F10: variants seen among roughly 807,000 people sequenced by gnomAD.
F10 encodes the protein Stuart-Prower factor.
F10 carries 29 observed loss-of-function variants against 37.1 expected under a neutral mutation model. The observed-to-expected ratio is 0.78, with a 90% CI of 0.58 to 1.07. The LOEUF is 1.07. Among genes scored for constraint, F10 ranks in the 50% least tolerant of loss-of-function variants. The pLI is 0.00. For missense variants in F10, 539 were observed against 667.9 expected, an observed-to-expected ratio of 0.81 and a Z score of 2.13; for synonymous variants, 262 against 268.6, an observed-to-expected ratio of 0.98 and a Z score of 0.24.
chr13:113,144,026 GA>G lies in F10; in HGVS notation c.679del (p.Arg227GlyfsTer40), dbSNP rs769044606. 4 of 1,613,810 alleles carry G rather than the reference GA, an allele frequency of 2.5e-6. No homozygotes were observed. Among genetic ancestry groups the G allele is most frequent in the Non-Finnish European group, 3.4e-6 (4 of 1,179,992 alleles). On this transcript the variant is annotated frameshift_variant, in exon 6 of 8. Coordinates refer to ENST00000375559, the MANE Select transcript of F10 (RefSeq NM_000504.4). LOFTEE classifies it high-confidence loss of function. This position sits in a 1 kb window ranked among gnomAD's most constrained non-coding sequence, Gnocchi z 6.4. ...TTGACTTCAACCAGACGCAGCCTGA[GA>G]GGGGCGACAACAACCTCACCAGGAT... ...LLDFNQTQPE[R>X]GDNNLTRIVG...
chr13:113,129,968 G>C, intron 2 of F10: 2 of 349,384 alleles, frequency 5.7e-6, no homozygotes, highest in South Asian at 2.3e-5. Context: ...GCAGTGAGCT[G>C]AGATCGTGCC....
intron 1 of F10, among the ~76,000 whole-genome samples, chr13:113,124,847 G>A (rs1291073761): frequency 6.6e-6 from 1 of 152,242 alleles, no homozygotes; most frequent in Non-Finnish European, 1.5e-5. Context: ...CAGCGGGGCT[G>A]GTTCCTCCAG....
At chr13:113,123,020 G>T (rs545351284) in intron 1 of F10, 95 bp downstream of exon 1, 27 of 1,418,966 alleles carry the variant, frequency 1.9e-5, no homozygotes, top group Non-Finnish European at 2.5e-5. Context: ...AGCCTGGACG[G>T]TGGGTGCCTT....
intron 4 of F10, among the ~76,000 whole-genome samples, chr13:113,140,108 C>T (rs371503520): frequency 1.1e-4 from 16 of 141,520 alleles, no homozygotes; most frequent in African/African-American, 4.2e-4. Context: ...GAGTCTCGCT[C>T]TGTGGCCCAG....
chr13:113,126,229 C>A (rs2036368736), intron 1 of F10, among the ~76,000 whole-genome samples: 2 of 152,148 alleles, frequency 1.3e-5, no homozygotes. Flanking sequence ...TTCCTTGCAT[C>A]ACCCTTTCCA....
At chr13:113,135,420 G>C (rs958246107) in intron 2 of F10, among the ~76,000 whole-genome samples, 1 of 152,212 alleles carries the variant, frequency 6.6e-6, no homozygotes, top group Non-Finnish European at 1.5e-5. Context: ...GAAACCAGCA[G>C]ATATGGGGCC....
Position 113,129,584 on chromosome 13 carries a change from G to A in F10, c.203G>A (p.Arg68His), listed in dbSNP as rs776339896. Residue 68 changes from arginine to histidine, a missense_variant, in exon 2 of 8, where the codon CGC becomes CAC. Physicochemically the swap from Arg to His is conservative, Grantham distance 29. Coordinates refer to ENST00000375559, the MANE Select transcript of F10 (RefSeq NM_000504.4). ...GAGACCTGCTCATACGAAGAGGCCC[G>A]CGAGGTCTTTGAGGACAGCGACAAG... ...MEETCSYEEA[R>H]EVFEDSDKTN... The A allele has an allele frequency of 3.7e-6, 6 of 1,614,220 alleles. No homozygotes were observed. The highest frequency in any genetic ancestry group is 4.5e-5 in the East Asian group (2 of 44,892).
rs1194609235 is a variant in F10 at position 113,149,117 on chromosome 13, A to G, written c.1067A>G (p.Gln356Arg). The change falls in exon 8 of 8, where the codon CAG (glutamine) becomes CGG (arginine). Residue 356 changes from glutamine (Q) to arginine (R), a missense_variant. Transcript: ENST00000375559. This position sits in a 1 kb window ranked among gnomAD's most constrained non-coding sequence, Gnocchi z 7.5. ...TGGGCCGAGTCCACGCTGATGACGC[A>G]GAAGACGGGGATTGTGAGCGGCTTC... ...RDWAESTLMT[Q>R]KTGIVSGFGR... The G allele has an allele frequency of 6.2e-7, 1 of 1,613,028 alleles. No individual in the cohort carries two copies. The highest frequency in any genetic ancestry group is 1.3e-5 in the African/African-American group (1 of 75,032).
At position 113,139,652 on chromosome 13, in the gene F10, G is replaced by A. The variant is rs1001516861; in HGVS notation, c.370+182G>A. Among the ~76,000 whole-genome samples the A allele has an allele frequency of 2.6e-5, 4 of 151,826 alleles. No homozygotes were observed. The highest frequency in any genetic ancestry group is 9.7e-5 in the African/African-American group (4 of 41,310). ...GCAATAGAAAAAAAAGCCCCAATAT[G>A]TCCCCCAAACGATTCGGTTTGGGGG... is the stretch of plus-strand genomic sequence containing the variant. On this transcript the variant is annotated intron_variant, in intron 4 of 7. Transcript: ENST00000375559. The surrounding 1 kb of genome is among the most constrained non-coding windows in gnomAD (Gnocchi z 5.2).
At position 113,141,868 on chromosome 13, in the gene F10, C is replaced by G. The variant is rs1327293431; in HGVS notation, c.502+818C>G. Among the ~76,000 whole-genome samples, 2 of 152,220 alleles carry G rather than the reference C, an allele frequency of 1.3e-5. No individual in the cohort carries two copies. Among genetic ancestry groups the G allele is most frequent in the Admixed American group, 6.5e-5 (1 of 15,286 alleles). On this transcript the variant is annotated intron_variant, in intron 5 of 7. Coordinates refer to ENST00000375559, the MANE Select transcript of F10 (RefSeq NM_000504.4). The surrounding 1 kb of genome is among the most constrained non-coding windows in gnomAD (Gnocchi z 5.4). ...GTTCCAGGCCCGCCTTTTCAAGAGCCTGGTGACCCAGCTCACCTTCCGGCT... is the reference window on the plus strand; with the variant it reads ...GTTCCAGGCCCGCCTTTTCAAGAGCGTGGTGACCCAGCTCACCTTCCGGCT...
intron 1 of F10, among the ~76,000 whole-genome samples, chr13:113,124,349 G>A (rs376836804): frequency 6.6e-6 from 1 of 152,208 alleles, no homozygotes; most frequent in African/African-American, 2.4e-5. Flanking sequence ...TCCTGCCAAT[G>A]GGAAATGCAG....
In F10 at chr13:113,139,367, G is replaced by A. The variant is rs201053569; in HGVS notation, c.267G>A (p.Gln89=). The change falls in exon 4 of 8, where the codon CAG becomes CAA. Residue 89 remains glutamine (Q), a synonymous_variant. Coordinates refer to ENST00000375559, the MANE Select transcript of F10 (RefSeq NM_000504.4). This position sits in a 1 kb window ranked among gnomAD's most constrained non-coding sequence, Gnocchi z 5.2. ...EFWNKYKDGD[Q]CETSPCQNQG... is the part of the protein sequence containing the mutation. ...ATCCTCTCTTTGCAGATGGCGACCA[G>A]TGTGAGACCAGTCCTTGCCAGAACC... The A allele has an allele frequency of 1.9e-6, 3 of 1,613,890 alleles. No homozygotes were observed. Among genetic ancestry groups the A allele is most frequent in the Non-Finnish European group, 2.5e-6 (3 of 1,179,842 alleles).
Position 113,122,864 on chromosome 13 carries a change from C to G in F10, c.9C>G (p.Arg3=). 1.9e-6 allele frequency: 3 copies of G among 1,610,582 alleles called. No homozygotes were observed. Residue 3 remains arginine, a synonymous_variant, in exon 1 of 8, where the codon CGC becomes CGG. Coordinates refer to ENST00000375559, the MANE Select transcript of F10 (RefSeq NM_000504.4). MG[R]PLHLVLLSAS... Reference sequence around the variant, plus strand: ...CAGTACTCGGCCACACCATGGGGCGCCCACTGCACCTCGTCCTGCTCAGTG... The same window carrying G: ...CAGTACTCGGCCACACCATGGGGCGGCCACTGCACCTCGTCCTGCTCAGTG...
chr13:113,139,432 C>A lies in F10; in HGVS notation c.332C>A (p.Thr111Asn), dbSNP rs951630266. Residue 111 changes from threonine to asparagine, a missense_variant, in exon 4 of 8, where the codon ACC becomes AAC. This residue lies in a region of F10 where 409 missense variants were observed against 547.9 expected (regional missense o/e 0.75). Coordinates refer to ENST00000375559, the MANE Select transcript of F10 (RefSeq NM_000504.4). This position sits in a 1 kb window ranked among gnomAD's most constrained non-coding sequence, Gnocchi z 5.2. Reference sequence around the variant, plus strand: ...GACGGCCTCGGGGAATACACCTGCACCTGTTTAGAAGGATTCGAAGGCAAA... The same window carrying A: ...GACGGCCTCGGGGAATACACCTGCAACTGTTTAGAAGGATTCGAAGGCAAA... The part of the protein sequence containing the change: ...CKDGLGEYTC[T>N]CLEGFEGKNC... 1.2e-6 allele frequency: 2 copies of A among 1,613,818 alleles called. No homozygotes were observed. The highest frequency in any genetic ancestry group is 2.7e-5 in the African/African-American group (2 of 74,890).
intron 5 of F10, among the ~76,000 whole-genome samples, chr13:113,142,041 C>T (rs377313275): frequency 2.8e-4 from 42 of 152,310 alleles, no homozygotes; most frequent in African/African-American, 8.2e-4. Context: ...TGAGTGATCA[C>T]GAAAAGACCG....
intron 2 of F10, among the ~76,000 whole-genome samples, chr13:113,136,522 A>G (rs1041663391): frequency 6.6e-6 from 1 of 151,598 alleles, no homozygotes; most frequent in African/African-American, 2.4e-5. Context: ...CAATGGCACA[A>G]TCTCGGCTCA....
chr13:113,123,103 G>A (rs547932006), intron 1 of F10, among the ~76,000 whole-genome samples, 178 bp downstream of exon 1: 1 of 152,358 alleles, frequency 6.6e-6, no homozygotes, highest in African/African-American at 2.4e-5. Flanking sequence ...AAGGCCAGCT[G>A]TGGCTCCCTG....
Position 113,141,023 on chromosome 13 carries a change from G to T in F10, c.475G>T (p.Asp159Tyr), listed in dbSNP as rs144616884. 1.2e-6 allele frequency: 2 copies of T among 1,613,892 alleles called. No individual in the cohort carries two copies. The highest frequency in any genetic ancestry group is 1.7e-5 in the Admixed American group (1 of 60,018). The change falls in exon 5 of 8, where the codon GAC becomes TAC. Residue 159 changes from aspartate to tyrosine, a missense_variant. Physicochemically the swap from Asp to Tyr is radical, Grantham distance 160. Around this residue, in one of 2 missense-constraint regions of F10, gnomAD observed 409 missense variants for 547.9 expected, o/e 0.75. Transcript: ENST00000375559. The surrounding 1 kb of genome is among the most constrained non-coding windows in gnomAD (Gnocchi z 5.4). ...CSCARGYTLA[D>Y]NGKACIPTGP... ...CTGCGCCCGCGGGTACACCCTGGCTGACAACGGCAAGGCCTGCATTCCCAC... is the reference window on the plus strand; with the variant it reads ...CTGCGCCCGCGGGTACACCCTGGCTTACAACGGCAAGGCCTGCATTCCCAC...
chr13:113,141,003 C>T lies in F10; in HGVS notation c.455C>T (p.Ala152Val). Residue 152 changes from alanine to valine, a missense_variant, in exon 5 of 8, where the codon GCC becomes GTC. By Grantham distance (64) the Ala-to-Val change is moderately conservative (BLOSUM62 0). Coordinates refer to ENST00000375559, the MANE Select transcript of F10 (RefSeq NM_000504.4). This position sits in a 1 kb window ranked among gnomAD's most constrained non-coding sequence, Gnocchi z 5.4. Reference protein sequence around the residue: ...EEQNSVVCSCARGYTLADNGK... With the variant: ...EEQNSVVCSCVRGYTLADNGK... ...CAGAACTCTGTGGTGTGCTCCTGCGCCCGCGGGTACACCCTGGCTGACAAC... is the reference window on the plus strand; with the variant it reads ...CAGAACTCTGTGGTGTGCTCCTGCGTCCGCGGGTACACCCTGGCTGACAAC... 6.2e-7 allele frequency: 1 copy of T among 1,614,086 alleles called. No homozygotes were observed. The highest frequency in any genetic ancestry group is 1.1e-5 in the South Asian group (1 of 91,088).
Sources: allele counts gnomAD v4.1 joint callset (sites outside exome capture counted in the v4.1 genomes callset), GRCh38; gene constraint gnomAD v4.1.1; regional missense constraint gnomAD v4.1.1; non-coding constraint Gnocchi (gnomAD v3.1); transcripts MANE v1.5; gene names NCBI Gene and HGNC (gene_info 2026-07-23, HGNC 2026-07-21).